Variants in LAMA2 observed in about 807,000 individuals in gnomAD.
LAMA2 encodes laminin subunit alpha 2.
A neutral mutation model predicts 364.8 loss-of-function variants in LAMA2; 269 were observed. The ratio of observed to expected loss-of-function variants is 0.74; its 90% CI spans 0.67 to 0.82. LAMA2 has a LOEUF of 0.82. Among genes scored for constraint, LAMA2 ranks in the 40% least tolerant of loss-of-function variants. The pLI, the probability that LAMA2 is intolerant of heterozygous loss-of-function variation, is 0.00. For synonymous variants in LAMA2, 1,379 were observed against 1,370.6 expected, an observed-to-expected ratio of 1.01 and a Z score of -0.14; for missense variants, 3,807 against 3,873.2, an observed-to-expected ratio of 0.98 and a Z score of 0.45.
intron 4 of LAMA2, among the ~76,000 whole-genome samples, chr6:129,124,657 G>C (rs552993752): frequency 6.6e-6 from 1 of 152,288 alleles, no homozygotes; most frequent in East Asian, 1.9e-4. Flanking sequence ...CTAAATTGCT[G>C]TCTTGCAAGT....
intron 1 of LAMA2, among the ~76,000 whole-genome samples, chr6:128,945,955 A>G (rs1274659447): frequency 2.0e-5 from 3 of 152,230 alleles, no homozygotes; most frequent in African/African-American, 7.2e-5. Context: ...GTGAACTCCT[A>G]AAAGAGTGTC....
intron 27 of LAMA2, among the ~76,000 whole-genome samples, chr6:129,317,421 C>A (rs1172172511): frequency 6.6e-6 from 1 of 152,082 alleles, no homozygotes; most frequent in Non-Finnish European, 1.5e-5. Flanking sequence ...GGAATAAGCA[C>A]ACAAGACAGC....
At chr6:129,316,306 G>C (rs1314851158) in intron 27 of LAMA2, 135 bp downstream of exon 27, 1 of 713,650 alleles carries the variant, frequency 1.4e-6, no homozygotes, top group Non-Finnish European at 2.3e-6. Flanking sequence ...AACCATGGAG[G>C]CTTCCCTGTG....
intron 40 of LAMA2, among the ~76,000 whole-genome samples, chr6:129,421,498 C>T (rs1412297731): frequency 6.6e-6 from 1 of 152,010 alleles, no homozygotes; most frequent in African/African-American, 2.4e-5. Context: ...AGATGTGATG[C>T]TTATGAATAT....
chr6:129,084,034 G>A (rs1245939886), intron 3 of LAMA2, among the ~76,000 whole-genome samples: 2 of 152,080 alleles, frequency 1.3e-5, no homozygotes, highest in East Asian at 1.9e-4. Flanking sequence ...GTTAAAGGCC[G>A]GCACAATAAG....
chr6:129,024,901 A>G (rs7758291), intron 1 of LAMA2, among the ~76,000 whole-genome samples: 2 of 151,816 alleles, frequency 1.3e-5, no homozygotes, highest in Non-Finnish European at 2.9e-5. Flanking sequence ...GCACACTATG[A>G]TTATGCCTAT....
At chr6:128,903,490 C>T (rs1374913911) in intron 1 of LAMA2, among the ~76,000 whole-genome samples, 1 of 151,958 alleles carries the variant, frequency 6.6e-6, no homozygotes, top group Admixed American at 6.6e-5. Context: ...TTTTATTTTC[C>T]TTCTGAAATC....
At chr6:129,513,916 A>C (rs1055986996) in intron 63 of LAMA2, among the ~76,000 whole-genome samples, 1 of 152,252 alleles carries the variant, frequency 6.6e-6, no homozygotes, top group Admixed American at 6.5e-5. Context: ...TAAAACATCA[A>C]AAGTTTAAAA....
intron 8 of LAMA2, among the ~76,000 whole-genome samples, chr6:129,155,205 A>C (rs1779035105): frequency 6.6e-6 from 1 of 152,288 alleles, no homozygotes; most frequent in East Asian, 1.9e-4. Flanking sequence ...ATAATTTTAT[A>C]CTAGTTATTT....
intron 2 of LAMA2, among the ~76,000 whole-genome samples, chr6:129,053,321 T>A (rs1321840150): frequency 1.3e-5 from 2 of 152,134 alleles, no homozygotes; most frequent in Non-Finnish European, 2.9e-5. Flanking sequence ...TGCCTCGGCC[T>A]CCCAAAGTGC....
At chr6:129,242,444 T>A (rs1449620552) in intron 12 of LAMA2, among the ~76,000 whole-genome samples, 2 of 152,188 alleles carry the variant, frequency 1.3e-5, no homozygotes, top group Non-Finnish European at 2.9e-5. Flanking sequence ...TTTTTTCTGT[T>A]ATTTTAATCA....
chr6:129,011,991 G>T (rs1336104134), intron 1 of LAMA2, among the ~76,000 whole-genome samples: 1 of 152,002 alleles, frequency 6.6e-6, no homozygotes, highest in Non-Finnish European at 1.5e-5. Flanking sequence ...CGAGGCACTG[G>T]GCTCTTCTAC....
chr6:129,502,652 T>C lies in LAMA2; in HGVS notation c.8245-7T>C, dbSNP rs2114888557. The C allele has an allele frequency of 1.9e-6, 3 of 1,601,302 alleles. No homozygotes were observed. Among genetic ancestry groups the C allele is most frequent in the South Asian group, 1.1e-5 (1 of 90,842 alleles). On this transcript the variant is annotated splice_region_variant and splice_polypyrimidine_tract_variant and intron_variant, in intron 58 of 64. Coordinates refer to ENST00000421865, the MANE Select transcript of LAMA2 (RefSeq NM_000426.4). ...TCTCCTGTTTTTCTCTCCTGGGTAT[T>C]TTACAGGGTCCTTGTGCTGCAGAAT... is the stretch of plus-strand genomic sequence containing the variant.
intron 12 of LAMA2, among the ~76,000 whole-genome samples, chr6:129,217,295 A>C (rs1339935738): frequency 6.6e-6 from 1 of 152,174 alleles, no homozygotes; most frequent in Admixed American, 6.6e-5. Flanking sequence ...TTCCATATAT[A>C]AGTCCCAACA....
chr6:129,101,319 G>GTGTTAA (rs1343641830), intron 4 of LAMA2, among the ~76,000 whole-genome samples: 6 of 152,168 alleles, frequency 3.9e-5, no homozygotes, highest in African/African-American at 1.4e-4. Flanking sequence ...TAATGCCTAT[G>GTGTTAA]TGTTAAACTC....
Position 129,421,389 on chromosome 6 carries a change from T to TA in LAMA2, c.5866-6352dup, listed in dbSNP as rs543094067. Among the ~76,000 whole-genome samples the TA allele has an allele frequency of 1.2e-3, 177 of 146,066 alleles. 1 individual carries two copies. The highest frequency in any genetic ancestry group is 3.2e-3 in the African/African-American group (129 of 39,964). ...AAGAGAATACCAAGAATTTATTGTT[T>TA]AAAAAAAAAAACCTCTAAAAAGCAA... On this transcript the variant is annotated intron_variant, in intron 40 of 64. Coordinates refer to ENST00000421865, the MANE Select transcript of LAMA2 (RefSeq NM_000426.4).
At chr6:129,103,018 G>C (rs969125797) in intron 4 of LAMA2, among the ~76,000 whole-genome samples, 1 of 152,152 alleles carries the variant, frequency 6.6e-6, no homozygotes, top group African/African-American at 2.4e-5. Context: ...AATACAGCAG[G>C]GCTGTCAAAA....
intron 1 of LAMA2, among the ~76,000 whole-genome samples, chr6:128,960,273 T>C (rs922373581): frequency 2.0e-5 from 3 of 152,104 alleles, no homozygotes; most frequent in Admixed American, 6.6e-5. Flanking sequence ...TTGTTAGATA[T>C]TGAATTTCAT....
chr6:129,393,524 G>C (rs1379414189), intron 37 of LAMA2, among the ~76,000 whole-genome samples: 1 of 152,166 alleles, frequency 6.6e-6, no homozygotes, highest in Non-Finnish European at 1.5e-5. Context: ...TGATACAGTG[G>C]AAGAAGTTCT....
Sources: gnomAD v4.1 joint callset for allele counts (sites outside exome capture counted in the v4.1 genomes callset) on GRCh38, gnomAD v4.1.1 for gene constraint, MANE v1.5 for transcripts, NCBI Gene and HGNC (gene_info 2026-07-23, HGNC 2026-07-21) for gene names.